RAB11FIP3: variants seen among roughly 807,000 people sequenced by gnomAD.
The protein encoded by RAB11FIP3 is RAB11 family interacting protein 3, also known as rab11 family-interacting protein 3.
RAB11FIP3 carries 17 observed loss-of-function variants against 77.8 expected under a neutral mutation model. The observed-to-expected ratio is 0.22, with a 90% CI of 0.15 to 0.33. The LOEUF (loss-of-function observed/expected upper bound fraction) is 0.33. RAB11FIP3 is among the 10% of genes least tolerant of loss of function. The pLI, the probability that RAB11FIP3 is intolerant of heterozygous loss-of-function variation, is 1.00. For synonymous variants in RAB11FIP3, 437 were observed against 448.2 expected (o/e 0.98, Z 0.31); for missense variants, 1,005 against 1,011.2 (o/e 0.99, Z 0.08).
chr16:491,416 C>G (rs146038330), intron 5 of RAB11FIP3: 16 of 784,496 alleles, frequency 2.0e-5, no homozygotes, highest in Non-Finnish European at 2.8e-5. Context: ...CCACCCTGCA[C>G]GCTGTGGGGC....
intron 10 of RAB11FIP3, among the ~76,000 whole-genome samples, chr16:519,481 C>CACTG (rs1213307032): frequency 7.2e-5 from 11 of 152,246 alleles, no homozygotes; most frequent in Non-Finnish European, 1.5e-4. Context: ...TGCCCACAGC[C>CACTG]ACTGAGTCAG....
rs534157726 is a variant in RAB11FIP3 at position 446,759 on chromosome 16, G to A, written c.715-14645G>A. On this transcript the variant is annotated intron_variant, in intron 1 of 13. Coordinates refer to ENST00000262305, the MANE Select transcript of RAB11FIP3 (RefSeq NM_014700.4). ...CGCCCAGGCTGGAGTGCAGTGGCGT[G>A]ATCTCAGCTCACTGCAACCTCCGCC... Among the ~76,000 whole-genome samples the A allele has an allele frequency of 1.6e-3, 250 of 151,888 alleles. 3 individuals carry two copies. Among genetic ancestry groups the A allele is most frequent in the African/African-American group, 5.4e-3 (223 of 41,430 alleles).
chr16:469,743 T>C (rs943013497), intron 2 of RAB11FIP3, among the ~76,000 whole-genome samples: 22 of 152,218 alleles, frequency 1.4e-4, no homozygotes, highest in Admixed American at 9.2e-4. Flanking sequence ...CAGGCCAGTC[T>C]TGAACTCCTG....
intron 9 of RAB11FIP3, among the ~76,000 whole-genome samples, chr16:512,068 T>G (rs2032204556): frequency 6.6e-6 from 1 of 152,010 alleles, no homozygotes; most frequent in Non-Finnish European, 1.5e-5. Flanking sequence ...AGGAATAACC[T>G]GAAAGTTTAG....
intron 5 of RAB11FIP3, among the ~76,000 whole-genome samples, 181 bp from the exon 6 acceptor site, chr16:496,643 C>G (rs1176601342): frequency 6.6e-6 from 1 of 152,222 alleles, no homozygotes; most frequent in Non-Finnish European, 1.5e-5. Context: ...CCAGCACTGC[C>G]GTGTCCTTGC....
intron 1 of RAB11FIP3, among the ~76,000 whole-genome samples, chr16:427,779 G>A (rs1014429971): frequency 6.6e-6 from 1 of 152,158 alleles, no homozygotes; most frequent in Non-Finnish European, 1.5e-5. Context: ...TTGGCACACT[G>A]CTATTTAGGG....
chr16:425,705 G>C lies in RAB11FIP3; in HGVS notation c.-302G>C, dbSNP rs1190313143. 5.6e-5 allele frequency: 16 copies of C among 287,850 alleles called. No individual in the cohort carries two copies. Among genetic ancestry groups the C allele is most frequent in the Non-Finnish European group, 9.7e-5 (15 of 154,626 alleles). The allele number at this position is 287,850 out of a possible 1,614,324, so 17.8% of individuals were successfully genotyped here. On this transcript the variant is annotated 5_prime_UTR_variant, in exon 1 of 14. Transcript: ENST00000262305. ...GGCTCCGCGGCCTCCGGCCTCCTCG[G>C]CCCCCGTCCCCCGGCCTCCTCGGCC...
chr16:477,786 C>T, intron 3 of RAB11FIP3: 1 of 595,754 alleles, frequency 1.7e-6, no homozygotes, highest in Non-Finnish European at 2.1e-6. Flanking sequence ...TATAATTGGA[C>T]ACCCAGAGTA....
In RAB11FIP3 at chr16:477,533, C is replaced by G. The variant is rs563874124; in HGVS notation, c.904-4992C>G. ...GCCTCTGACAGACATCCTGGGCCTGCCTGCTTTCCTGGCCACTCCCGCCTT... is the reference window on the plus strand; with the variant it reads ...GCCTCTGACAGACATCCTGGGCCTGGCTGCTTTCCTGGCCACTCCCGCCTT... On this transcript the variant is annotated intron_variant, in intron 3 of 13. Transcript: ENST00000262305. 7.4e-4 allele frequency: 524 copies of G among 709,702 alleles called. No homozygotes were observed. The Middle Eastern group carries it at 9.9e-3, about 13-fold the overall frequency. 44.0% of individuals were successfully genotyped at this position (709,702 alleles called of 1,614,324 possible). A position where few individuals can be genotyped will look rare whatever the true frequency, so the allele number is the denominator to read the frequency against.
In RAB11FIP3 at chr16:518,691, A is replaced by T. The variant is rs551837296; in HGVS notation, c.1641-252A>T. On this transcript the variant is annotated intron_variant, in intron 9 of 13. Transcript: ENST00000262305. Reference sequence around the variant, plus strand: ...CAGTGAGCTGAGATCACACCACTGCACTCCAGCCTGGTGACAGAGTGCGAC... The same window carrying T: ...CAGTGAGCTGAGATCACACCACTGCTCTCCAGCCTGGTGACAGAGTGCGAC... Among the ~76,000 whole-genome samples, 17 of 152,024 alleles carry T rather than the reference A, an allele frequency of 1.1e-4. No individual in the cohort carries two copies. In the South Asian group the frequency reaches 3.5e-3, roughly 31 times the overall value.
rs1237708931 is a variant in RAB11FIP3, at chr16:458,529, TTCACC to T, written c.715-2874_715-2870del. On this transcript the variant is annotated intron_variant, in intron 1 of 13. Transcript: ENST00000262305. ...CAGGGCCTGGGGGGCCTTCCTCGGG[TTCACC>T]GATGCCCACAGGGCCTGGGGGGCCT... 6.8e-4 allele frequency among the ~76,000 whole-genome samples: 98 copies of T among 143,380 alleles called. 1 individual carries two copies. The highest frequency in any genetic ancestry group is 2.0e-3 in the East Asian group (9 of 4,538). The allele number at this position is 143,380 out of a possible 152,430, so 94.1% of individuals were successfully genotyped here. A position where few individuals can be genotyped will look rare whatever the true frequency, so the allele number is the denominator to read the frequency against.
At chr16:489,610 G>A (rs1285534695) in intron 5 of RAB11FIP3, among the ~76,000 whole-genome samples, 2 of 152,190 alleles carry the variant, frequency 1.3e-5, no homozygotes, top group African/African-American at 2.4e-5. Context: ...TGGGCTGGCC[G>A]ATGGGGTTGT....
chr16:445,475 AG>A (rs1408425953), intron 1 of RAB11FIP3, among the ~76,000 whole-genome samples: 2 of 152,184 alleles, frequency 1.3e-5, no homozygotes, highest in Non-Finnish European at 2.9e-5. Context: ...ATTGGGTTTT[AG>A]GTACTATGCC....
intron 3 of RAB11FIP3, among the ~76,000 whole-genome samples, chr16:480,158 A>G (rs2056006269): frequency 6.6e-6 from 1 of 151,342 alleles, no homozygotes; most frequent in South Asian, 2.1e-4. Flanking sequence ...GGTGGCACGC[A>G]TCTATAATCC....
In RAB11FIP3 at chr16:507,060, T is replaced by C. The variant is rs1241702320; in HGVS notation, c.1499+1433T>C. 6.6e-6 allele frequency among the ~76,000 whole-genome samples: 1 copy of C among 150,690 alleles called. No homozygotes were observed. The highest frequency in any genetic ancestry group is 1.5e-5 in the Non-Finnish European group (1 of 67,852). ...ACCTCCCAGGCTCAAGCGACCCGCC[T>C]CCCTCAGCCTTCGATGTAGCTGGGA... On this transcript the variant is annotated intron_variant, in intron 8 of 13. Transcript: ENST00000262305. This position sits in a 1 kb window ranked among gnomAD's most constrained non-coding sequence, Gnocchi z 4.6.
chr16:466,801 C>A (rs912283981), intron 2 of RAB11FIP3, among the ~76,000 whole-genome samples: 9 of 152,214 alleles, frequency 5.9e-5, no homozygotes, highest in Non-Finnish European at 1.0e-4. Context: ...GCAGCTGGGG[C>A]ACCCCGTTCT....
Position 471,526 on chromosome 16 carries a change from C to T in RAB11FIP3, c.903+137C>T, listed in dbSNP as rs937503000. The stretch of plus-strand genomic sequence containing the variant: ...AAGGAAGGGCCTCCCGCCCTGTGTG[C>T]ACCGTGGGGCTCTGTGGCTGTGACG... On this transcript the variant is annotated intron_variant, in intron 3 of 13. Transcript: ENST00000262305. This position sits in a 1 kb window ranked among gnomAD's most constrained non-coding sequence, Gnocchi z 4.4. The T allele has an allele frequency of 1.1e-5, 8 of 725,078 alleles. No homozygotes were observed. Among genetic ancestry groups the T allele is most frequent in the Non-Finnish European group, 1.9e-5 (8 of 422,650 alleles). 44.9% of individuals were successfully genotyped at this position (725,078 alleles called of 1,614,324 possible).
intron 5 of RAB11FIP3, chr16:491,095 T>A: frequency 7.8e-7 from 1 of 1,278,376 alleles, no homozygotes; most frequent in Non-Finnish European, 1.0e-6. Context: ...ACCACACGGG[T>A]CCTCATCCTC....
intron 1 of RAB11FIP3, among the ~76,000 whole-genome samples, chr16:454,262 CA>C (rs2141623363): frequency 6.6e-6 from 1 of 152,256 alleles, no homozygotes; most frequent in South Asian, 2.1e-4. Context: ...GTAGTTGGTG[CA>C]AAGCTGACTA....
Sources: allele counts gnomAD v4.1 joint callset (sites outside exome capture counted in the v4.1 genomes callset), GRCh38; gene constraint gnomAD v4.1.1; non-coding constraint Gnocchi (gnomAD v3.1); transcripts MANE v1.5; gene names NCBI Gene and HGNC (gene_info 2026-07-23, HGNC 2026-07-21).